FAM83D: variants seen among roughly 807,000 people sequenced by gnomAD.
The protein encoded by FAM83D is scaffolding CK1 anchoring protein D, also known as protein FAM83D.
A neutral mutation model predicts 25.4 loss-of-function variants in FAM83D; 26 were observed. That is an observed-to-expected ratio of 1.02 (90% CI 0.75 to 1.42). FAM83D has a LOEUF of 1.42. FAM83D is among the 40% of genes most tolerant of loss of function. The probability of loss-of-function intolerance (pLI) is 0.00; values close to 1 mark genes in which losing one functional copy is unlikely to be tolerated. For missense variants in FAM83D, 740 were observed against 758.1 expected (o/e 0.98, Z 0.28); for synonymous variants, 310 against 318.5 (o/e 0.97, Z 0.28).
At position 38,952,800 on chromosome 20, in the gene FAM83D, A is replaced by G; in HGVS notation, c.*280A>G. 2.3e-6 allele frequency: 1 copy of G among 437,054 alleles called. No homozygotes were observed. The highest frequency in any genetic ancestry group is 4.1e-6 in the Non-Finnish European group (1 of 244,826). 27.1% of individuals were successfully genotyped at this position (437,054 alleles called of 1,614,324 possible). ...ACATAATGATGTTTTGGTCAATGAC[A>G]GACCACGTATATGTTGGCAGTCTCA... On this transcript the variant is annotated 3_prime_UTR_variant, in exon 4 of 4. Transcript: ENST00000619850.
intron 1 of FAM83D, among the ~76,000 whole-genome samples, chr20:38,934,703 G>C (rs908922845): frequency 6.6e-6 from 1 of 152,172 alleles, no homozygotes; most frequent in Non-Finnish European, 1.5e-5. Context: ...ACAGGAAAGA[G>C]TTCAGGTGTT....
chr20:38,941,858 G>A lies in FAM83D; in HGVS notation c.484-101G>A, dbSNP rs115374808. ...GGAGGGAAGGATAACTGTTGGATAG[G>A]GATCATTTCCCAGTTCTGAGTGGAG... is the stretch of plus-strand genomic sequence containing the variant. On this transcript the variant is annotated intron_variant, in intron 1 of 3. Transcript: ENST00000619850. 7.5e-4 allele frequency: 867 copies of A among 1,149,306 alleles called. 8 individuals are homozygous for A. In the African/African-American group the frequency reaches 0.012, roughly 16 times the overall value. 71.2% of individuals were successfully genotyped at this position (1,149,306 alleles called of 1,614,324 possible). A position where few individuals can be genotyped will look rare whatever the true frequency, so the allele number is the denominator to read the frequency against.
intron 1 of FAM83D, among the ~76,000 whole-genome samples, chr20:38,932,710 A>G (rs1181405164): frequency 6.6e-6 from 1 of 152,184 alleles, no homozygotes; most frequent in Non-Finnish European, 1.5e-5. Context: ...TCATTTTGGC[A>G]ATGTGCTTAT....
chr20:38,943,689 G>T (rs1266283850), intron 2 of FAM83D, among the ~76,000 whole-genome samples: 2 of 152,058 alleles, frequency 1.3e-5, no homozygotes, highest in East Asian at 1.9e-4. Context: ...TTGTTTTTTT[G>T]TTGTTGTTGT....
intron 1 of FAM83D, among the ~76,000 whole-genome samples, chr20:38,939,231 C>A (rs1431675609): frequency 6.6e-6 from 1 of 152,210 alleles, no homozygotes; most frequent in African/African-American, 2.4e-5. Context: ...TGTCCTTGTG[C>A]TTCAGCTCAA....
chr20:38,951,842 C>T lies in FAM83D; in HGVS notation c.1080C>T (p.Pro360=). ...MPAEGKAERK[P]HDCESSTVSE... Reference sequence around the variant, plus strand: ...CAGAGGGCAAGGCAGAGCGCAAGCCCCATGACTGTGAGTCCTCTACTGTTA... The same window carrying T: ...CAGAGGGCAAGGCAGAGCGCAAGCCTCATGACTGTGAGTCCTCTACTGTTA... The change falls in exon 4 of 4, where the codon CCC becomes CCT. Residue 360 remains proline (P), a synonymous_variant. Coordinates refer to ENST00000619850, the MANE Select transcript of FAM83D (RefSeq NM_030919.3). The T allele has an allele frequency of 6.2e-7, 1 of 1,614,194 alleles. No homozygotes were observed. Among genetic ancestry groups the T allele is most frequent in the Non-Finnish European group, 8.5e-7 (1 of 1,180,028 alleles).
chr20:38,933,860 C>A (rs901357912), intron 1 of FAM83D, among the ~76,000 whole-genome samples: 10 of 150,572 alleles, frequency 6.6e-5, no homozygotes, highest in African/African-American at 2.4e-4. Context: ...CCATTTCTTT[C>A]TTTCTTTTTT....
chr20:38,935,865 ATAGT>A (rs2085676734), intron 1 of FAM83D, among the ~76,000 whole-genome samples: 1 of 152,248 alleles, frequency 6.6e-6, no homozygotes, highest in South Asian at 2.1e-4. Flanking sequence ...AGATGTCAAG[ATAGT>A]TACTTAAAGG....
At chr20:38,927,021 C>T in intron 1 of FAM83D, 96 bp downstream of exon 1, 2 of 1,385,622 alleles carry the variant, frequency 1.4e-6, no homozygotes, top group Non-Finnish European at 1.9e-6. Flanking sequence ...GCCACTACCT[C>T]CTCTGCGCCC....
intron 1 of FAM83D, among the ~76,000 whole-genome samples, chr20:38,935,810 G>A (rs2085676496): frequency 6.6e-6 from 1 of 152,166 alleles, no homozygotes; most frequent in South Asian, 2.1e-4. Context: ...GCAAGTTTAG[G>A]TTTCGCTGTG....
intron 1 of FAM83D, among the ~76,000 whole-genome samples, chr20:38,931,089 A>T (rs544379185): frequency 6.6e-6 from 1 of 152,326 alleles, no homozygotes; most frequent in South Asian, 2.1e-4. Flanking sequence ...CACACTCCTA[A>T]TCCCTGCTGC....
intron 2 of FAM83D, among the ~76,000 whole-genome samples, chr20:38,947,257 T>C (rs987920585): frequency 1.3e-5 from 2 of 152,206 alleles, no homozygotes; most frequent in Non-Finnish European, 2.9e-5. Flanking sequence ...GTGTACGTTT[T>C]TGGTAATTAT....
intron 1 of FAM83D, among the ~76,000 whole-genome samples, chr20:38,930,224 C>T (rs963612959): frequency 2.0e-5 from 3 of 152,166 alleles, no homozygotes; most frequent in South Asian, 2.1e-4. Flanking sequence ...GTTCTGCATC[C>T]GTGTTCTGAT....
At chr20:38,937,108 C>G (rs565718967) in intron 1 of FAM83D, among the ~76,000 whole-genome samples, 1 of 152,348 alleles carries the variant, frequency 6.6e-6, no homozygotes, top group African/African-American at 2.4e-5. Flanking sequence ...CATTATGCCC[C>G]TGACCAGCTG....
intron 1 of FAM83D, among the ~76,000 whole-genome samples, chr20:38,936,925 A>G (rs1568696623): frequency 6.6e-6 from 1 of 152,174 alleles, no homozygotes; most frequent in Non-Finnish European, 1.5e-5. Flanking sequence ...GTTCAACTAC[A>G]TAGGTTCCCA....
At chr20:38,948,710 T>A (rs1301584092) in intron 3 of FAM83D, among the ~76,000 whole-genome samples, 2 of 152,226 alleles carry the variant, frequency 1.3e-5, no homozygotes, top group African/African-American at 2.4e-5. Flanking sequence ...GTCTGTAGAA[T>A]TTTAAAAAGA....
At chr20:38,942,194 G>A (rs2085705963) in intron 2 of FAM83D, 68 bp downstream of exon 2, 9 of 1,549,958 alleles carry the variant, frequency 5.8e-6, no homozygotes, top group Non-Finnish European at 7.1e-6. Context: ...TTATCTACAA[G>A]CTGGCTGGTG....
chr20:38,932,151 C>T (rs2085661230), intron 1 of FAM83D, among the ~76,000 whole-genome samples: 9 of 152,194 alleles, frequency 5.9e-5, no homozygotes, highest in Admixed American at 5.9e-4. Flanking sequence ...TTTGGGAGGT[C>T]AAGGCTGGAG....
At chr20:38,936,805 A>G (rs896430862) in intron 1 of FAM83D, among the ~76,000 whole-genome samples, 1 of 152,028 alleles carries the variant, frequency 6.6e-6, no homozygotes, top group Admixed American at 6.6e-5. Context: ...AGCACTTTTG[A>G]GCTTTTGTGC....
Sources: gnomAD v4.1 joint callset for allele counts (sites outside exome capture counted in the v4.1 genomes callset) on GRCh38, gnomAD v4.1.1 for gene constraint, MANE v1.5 for transcripts, NCBI Gene and HGNC (gene_info 2026-07-23, HGNC 2026-07-21) for gene names.